The following OCLN variants were observed in gnomAD, a reference collection of about 807,000 sequenced individuals.
OCLN encodes occludin, also known as phosphatase 1, regulatory subunit 115.
Under a neutral mutation model 47.9 loss-of-function variants are expected in OCLN, and 21 were observed. That is an observed-to-expected ratio of 0.44 (90% CI 0.31 to 0.63). OCLN has a LOEUF of 0.63. Ranked by LOEUF, OCLN falls within the 30% of genes least tolerant of loss-of-function variation. The pLI is 0.08. For missense variants in OCLN, 360 were observed against 571.0 expected (o/e 0.63, Z 3.77); for synonymous variants, 117 against 198.4 (o/e 0.59, Z 3.45).
chr5:69,506,303 A>G (rs780957122), intron 2 of OCLN, among the ~76,000 whole-genome samples: 2 of 152,182 alleles, frequency 1.3e-5, no homozygotes, highest in Non-Finnish European at 2.9e-5. Context: ...ATGAATGAAC[A>G]AACAAATGAT....
At chr5:69,510,812 T>C (rs978099580) in intron 3 of OCLN, among the ~76,000 whole-genome samples, 14 of 152,234 alleles carry the variant, frequency 9.2e-5, no homozygotes, top group African/African-American at 2.9e-4. Context: ...CTTTAATCTT[T>C]TGGGGAGCTA....
intron 4 of OCLN, among the ~76,000 whole-genome samples, chr5:69,515,147 C>T (rs1330233634): frequency 4.2e-5 from 6 of 141,686 alleles, no homozygotes; most frequent in East Asian, 4.4e-4. Flanking sequence ...GCTGGCCGGG[C>T]GGGGGGCTGA....
chr5:69,506,191 T>C (rs1476032972), intron 2 of OCLN, among the ~76,000 whole-genome samples: 3 of 152,326 alleles, frequency 2.0e-5, no homozygotes, highest in African/African-American at 7.2e-5. Context: ...ATGCCTGTTA[T>C]CCCAGCTACT....
chr5:69,506,567 G>A (rs905992922), intron 2 of OCLN, among the ~76,000 whole-genome samples: 19 of 152,184 alleles, frequency 1.2e-4, no homozygotes, highest in Non-Finnish European at 2.2e-4. Flanking sequence ...GGGCTGAAAA[G>A]TTCCAACCCT....
At chr5:69,528,984 A>C (rs1039017131) in intron 4 of OCLN, among the ~76,000 whole-genome samples, 1 of 152,244 alleles carries the variant, frequency 6.6e-6, no homozygotes, top group African/African-American at 2.4e-5. Context: ...TTTTGCTTTT[A>C]CTAACTCCAA....
rs568584033 is a variant in OCLN, at chr5:69,494,361, A to G, written c.-69+1461A>G. On this transcript the variant is annotated intron_variant, in intron 1 of 8. Transcript: ENST00000396442. ...ACTAGTATGCACAGCTAATTTTTGT[A>G]TTTTTAGTAGAGACAGGGTTTTGCC... Among the ~76,000 whole-genome samples, 10 of 152,242 alleles carry G rather than the reference A, an allele frequency of 6.6e-5. No individual in the cohort carries two copies. In the East Asian group the frequency reaches 1.7e-3, roughly 27 times the overall value.
At chr5:69,494,805 G>C (rs938145908) in intron 1 of OCLN, among the ~76,000 whole-genome samples, 4 of 152,194 alleles carry the variant, frequency 2.6e-5, no homozygotes, top group African/African-American at 9.6e-5. Flanking sequence ...GGCCTTAGTA[G>C]AACTCCATTT....
At chr5:69,519,332 A>G (rs1008628245) in intron 4 of OCLN, among the ~76,000 whole-genome samples, 4 of 152,182 alleles carry the variant, frequency 2.6e-5, no homozygotes, top group Non-Finnish European at 5.9e-5. Context: ...AGGGTAGTCA[A>G]AAGCTGTGCC....
intron 2 of OCLN, among the ~76,000 whole-genome samples, chr5:69,508,762 A>G (rs1410236040): frequency 6.6e-6 from 1 of 152,254 alleles, no homozygotes; most frequent in East Asian, 1.9e-4. Context: ...CACTGTAGGT[A>G]ATTGGTACAA....
At position 69,532,722 on chromosome 5, in the gene OCLN, C is replaced by T. The variant is rs548471228; in HGVS notation, c.892-1972C>T. Among the ~76,000 whole-genome samples, 254 of 152,110 alleles carry T rather than the reference C, an allele frequency of 1.7e-3. 1 individual carries two copies. The highest frequency in any genetic ancestry group is 6.8e-3 in the Middle Eastern group (2 of 294). On this transcript the variant is annotated intron_variant, in intron 4 of 8. Transcript: ENST00000396442. ...GTGGCTCACGCCTGTAATCCCAGCA[C>T]TTTGGGAGGCCGAGGTGGGTGGATC...
chr5:69,529,510 C>A (rs1203950742), intron 4 of OCLN, among the ~76,000 whole-genome samples: 2 of 152,214 alleles, frequency 1.3e-5, no homozygotes, highest in Non-Finnish European at 2.9e-5. Context: ...AATTTCCCTG[C>A]ATATTCCCTA....
intron 4 of OCLN, among the ~76,000 whole-genome samples, chr5:69,514,731 CG>C (rs956043562): frequency 6.6e-6 from 1 of 152,112 alleles, no homozygotes; most frequent in Non-Finnish European, 1.5e-5. Context: ...TGACTCTTAA[CG>C]AGCATACTGC....
At chr5:69,526,521 A>G (rs1048905972) in intron 4 of OCLN, among the ~76,000 whole-genome samples, 1 of 152,174 alleles carries the variant, frequency 6.6e-6, no homozygotes, top group Non-Finnish European at 1.5e-5. Context: ...GGTAAGCCTC[A>G]CTGAGTACAA....
chr5:69,509,376 T>A lies in OCLN; in HGVS notation c.286T>A (p.Ser96Thr). Residue 96 changes from serine (S) to threonine (T), a missense_variant, in exon 3 of 9, where the codon TCC (serine) becomes ACC (threonine). Ser to Thr is a moderately conservative substitution (Grantham distance 58). This residue lies in a region of OCLN where 314 missense variants were observed against 368.1 expected (regional missense o/e 0.85). Transcript: ENST00000396442. ...TGCCTGGGACAGAGGCTATGGAACTTCCCTTTTAGGAGGTAGTGTAGGCTA... is the reference window on the plus strand; with the variant it reads ...TGCCTGGGACAGAGGCTATGGAACTACCCTTTTAGGAGGTAGTGTAGGCTA... ...TLAWDRGYGT[S>T]LLGGSVGYPY... 1.9e-6 allele frequency: 3 copies of A among 1,614,212 alleles called. No individual in the cohort carries two copies. The highest frequency in any genetic ancestry group is 2.5e-6 in the Non-Finnish European group (3 of 1,180,034).
At chr5:69,525,365 A>T (rs1035638818) in intron 4 of OCLN, among the ~76,000 whole-genome samples, 1 of 151,884 alleles carries the variant, frequency 6.6e-6, no homozygotes, top group Admixed American at 6.5e-5. Flanking sequence ...CAGCCTCCCA[A>T]AGTGCTGGGA....
At chr5:69,549,296 G>T (rs1464047848) in intron 7 of OCLN, among the ~76,000 whole-genome samples, 2 of 110,556 alleles carry the variant, frequency 1.8e-5, no homozygotes, top group Non-Finnish European at 3.5e-5. Context: ...AGCCAAGATC[G>T]CGCCACTGCA....
At chr5:69,528,843 A>G (rs78039662) in intron 4 of OCLN, among the ~76,000 whole-genome samples, 1,752 of 152,284 alleles carry the variant, frequency 0.012, 35 homozygotes, top group African/African-American at 0.04. Context: ...TTAGAGGTAG[A>G]TGGCTTTTGC....
At chr5:69,500,939 A>T (rs1486704913) in intron 1 of OCLN, among the ~76,000 whole-genome samples, 2 of 145,978 alleles carry the variant, frequency 1.4e-5, no homozygotes, top group East Asian at 3.9e-4. Flanking sequence ...TTTTTTTTTT[A>T]AAGGAGTCTT....
At chr5:69,515,494 G>A (rs1238913439) in intron 4 of OCLN, among the ~76,000 whole-genome samples, 55 of 126,424 alleles carry the variant, frequency 4.4e-4, no homozygotes, top group Non-Finnish European at 6.0e-4. Flanking sequence ...GGGCAGAGGC[G>A]CCCCTCACCT....
Sources: gnomAD v4.1 joint callset for allele counts (sites outside exome capture counted in the v4.1 genomes callset) on GRCh38, gnomAD v4.1.1 for gene constraint, gnomAD v4.1.1 regional missense constraint, MANE v1.5 for transcripts, NCBI Gene and HGNC (gene_info 2026-07-23, HGNC 2026-07-21) for gene names.